The following PKHD1L1 variants were observed in gnomAD, a reference collection of about 807,000 sequenced individuals.
PKHD1L1 encodes fibrocystin-L.
Under a neutral mutation model 462.9 loss-of-function variants are expected in PKHD1L1, and 434 were observed. The observed-to-expected ratio is 0.94, with a 90% CI of 0.87 to 1.02. The LOEUF (loss-of-function observed/expected upper bound fraction) is 1.02. Ranked by LOEUF, PKHD1L1 falls within the 50% of genes least tolerant of loss-of-function variation. The pLI is 0.00. For synonymous variants in PKHD1L1, 1,781 were observed against 1,750.0 expected, an observed-to-expected ratio of 1.02 and a Z score of -0.44; for missense variants, 5,202 against 5,096.1, an observed-to-expected ratio of 1.02 and a Z score of -0.63.
At chr8:109,443,186 G>A (rs1815912792) in intron 36 of PKHD1L1, 70 bp downstream of exon 36, 3 of 1,467,404 alleles carry the variant, frequency 2.0e-6, no homozygotes, top group Non-Finnish European at 2.8e-6. Context: ...TCTGGAGCCG[G>A]TAGCAGATAA....
chr8:109,506,233 A>C (rs1490289502), intron 68 of PKHD1L1, among the ~76,000 whole-genome samples: 1 of 152,244 alleles, frequency 6.6e-6, no homozygotes, highest in South Asian at 2.1e-4. Context: ...CCAGCCCCCA[A>C]ATGTTCTCAG....
chr8:109,380,326 A>G (rs1048689631), intron 2 of PKHD1L1, among the ~76,000 whole-genome samples: 2 of 152,154 alleles, frequency 1.3e-5, no homozygotes, highest in African/African-American at 4.8e-5. Flanking sequence ...TATGTGTTGT[A>G]TAGTGGGTAG....
At position 109,533,223 on chromosome 8, in the gene PKHD1L1, G is replaced by A. The variant is rs1821078752; in HGVS notation, c.*3133G>A. 6.6e-6 allele frequency among the ~76,000 whole-genome samples: 1 copy of A among 152,190 alleles called. No homozygotes were observed. The highest frequency in any genetic ancestry group is 6.5e-5 in the Admixed American group (1 of 15,282). On this transcript the variant is annotated 3_prime_UTR_variant, in exon 78 of 78. Transcript: ENST00000378402. ...TACTTTACCACTTCTATGCCCTCAG[G>A]CAAGTTCTTAGTTTCCATTATTCTC...
intron 50 of PKHD1L1, chr8:109,470,741 G>A: frequency 6.4e-7 from 1 of 1,555,798 alleles, no homozygotes; most frequent in Non-Finnish European, 8.8e-7. Context: ...TCTTGGGACA[G>A]CCAGTTTCTG....
intron 4 of PKHD1L1, among the ~76,000 whole-genome samples, chr8:109,383,314 A>C (rs1189117898): frequency 1.8e-5 from 2 of 109,014 alleles, no homozygotes; most frequent in Non-Finnish European, 3.4e-5. Flanking sequence ...AATTATACAT[A>C]ATATATAATT....
Position 109,498,680 on chromosome 8 carries a change from T to C in PKHD1L1, c.10737T>C (p.Pro3579=), listed in dbSNP as rs746037381. The change falls in exon 67 of 78, where the codon CCT becomes CCC. Residue 3579 remains proline, a synonymous_variant. Transcript: ENST00000378402. ...PSGGRSGICW[P]TFASAHNMAP... ...GTGGGAGAAGTGGGATTTGTTGGCC[T>C]ACCTTTGCTTCAGCTCATAACATGG... is the stretch of plus-strand genomic sequence containing the variant. 2 of 1,614,012 alleles carry C rather than the reference T, an allele frequency of 1.2e-6. No individual in the cohort carries two copies. The highest frequency in any genetic ancestry group is 2.2e-5 in the South Asian group (2 of 91,084).
chr8:109,449,287 G>A (rs920353635), intron 39 of PKHD1L1, 51 bp from the exon 40 acceptor site: 130 of 1,492,706 alleles, frequency 8.7e-5, no homozygotes, highest in Non-Finnish European at 1.1e-4. Flanking sequence ...GTACACAGAA[G>A]AAGTTTTATT....
intron 59 of PKHD1L1, among the ~76,000 whole-genome samples, chr8:109,489,215 T>C (rs1209078959): frequency 6.6e-6 from 1 of 152,022 alleles, no homozygotes; most frequent in African/African-American, 2.4e-5. Context: ...GTATCAGTTT[T>C]TGAACAAATA....
At chr8:109,365,593 A>G (rs1209995809) in intron 2 of PKHD1L1, among the ~76,000 whole-genome samples, 1 of 152,242 alleles carries the variant, frequency 6.6e-6, no homozygotes, top group African/African-American at 2.4e-5. Flanking sequence ...TATGTTTCTT[A>G]TATTGTAAAT....
intron 23 of PKHD1L1, among the ~76,000 whole-genome samples, chr8:109,421,466 C>T (rs2130648233): frequency 6.6e-6 from 1 of 152,194 alleles, no homozygotes; most frequent in East Asian, 1.9e-4. Flanking sequence ...CTTTTCAGTG[C>T]TTTACTCTTA....
intron 23 of PKHD1L1, among the ~76,000 whole-genome samples, chr8:109,421,221 G>A (rs1012288585): frequency 6.6e-6 from 1 of 151,630 alleles, no homozygotes; most frequent in African/African-American, 2.4e-5. Flanking sequence ...TATTCAATGA[G>A]TTAATATAAT....
Position 109,409,847 on chromosome 8 carries a change from T to A in PKHD1L1, c.1972-18T>A. The A allele has an allele frequency of 7.0e-7, 1 of 1,432,800 alleles. No individual in the cohort carries two copies. 88.8% of individuals were successfully genotyped at this position (1,432,800 alleles called of 1,614,324 possible). ...TTTTCATGAAAAGAAGTTACTAATG[T>A]TTATATTGTTAATTTAGTTTCAGGG... is the stretch of plus-strand genomic sequence containing the variant. On this transcript the variant is annotated intron_variant, in intron 18 of 77. Transcript: ENST00000378402.
chr8:109,401,330 T>A (rs765380103), intron 13 of PKHD1L1, among the ~76,000 whole-genome samples, 167 bp from the exon 14 acceptor site: 1 of 152,016 alleles, frequency 6.6e-6, no homozygotes, highest in East Asian at 1.9e-4. Flanking sequence ...TAAAAAAAAT[T>A]TATAGCATAG....
intron 23 of PKHD1L1, among the ~76,000 whole-genome samples, chr8:109,421,781 CT>C (rs1297837777): frequency 3.3e-5 from 5 of 151,890 alleles, no homozygotes; most frequent in African/African-American, 1.2e-4. Flanking sequence ...GAGACTCTGT[CT>C]CAAAAAAAAG....
chr8:109,441,171 A>G, intron 33 of PKHD1L1, 104 bp from the exon 34 acceptor site: 1 of 770,782 alleles, frequency 1.3e-6, no homozygotes, highest in Non-Finnish European at 2.0e-6. Flanking sequence ...AGTTTTTTTT[A>G]GGGTCTTGGC....
At position 109,427,028 on chromosome 8, in the gene PKHD1L1, G is replaced by C. The variant is rs542055349; in HGVS notation, c.2872G>C (p.Asp958His). 5 of 1,599,410 alleles carry C rather than the reference G, an allele frequency of 3.1e-6. No individual in the cohort carries two copies. The highest frequency in any genetic ancestry group is 1.7e-4 in the Middle Eastern group (1 of 5,992). ...CCTCCCCGCTGCTGTGTCAGCTGCA[G>C]ATCTGCAGTTTGCACTCCAGAGTCT... ...KGLPAAVSAA[D>H]LQFALQSLEG... Residue 958 changes from aspartate to histidine, a missense_variant, in exon 25 of 78, where the codon GAT becomes CAT. Transcript: ENST00000378402.
chr8:109,377,451 T>C (rs1419005706), intron 2 of PKHD1L1, among the ~76,000 whole-genome samples: 1 of 152,182 alleles, frequency 6.6e-6, no homozygotes, highest in Non-Finnish European at 1.5e-5. Flanking sequence ...AAATTTACAA[T>C]GACATGGATA....
At chr8:109,450,932 G>A in intron 40 of PKHD1L1, 43 bp from the exon 41 acceptor site, 2 of 1,536,026 alleles carry the variant, frequency 1.3e-6, no homozygotes, top group Non-Finnish European at 1.8e-6. Flanking sequence ...ATGAATCAGG[G>A]CCCGATGGCA....
chr8:109,412,045 A>G (rs1342303155), intron 19 of PKHD1L1, among the ~76,000 whole-genome samples: 1 of 152,238 alleles, frequency 6.6e-6, no homozygotes, highest in African/African-American at 2.4e-5. Context: ...AAGGAAAAAA[A>G]TCAAACTTGG....
Sources: allele counts gnomAD v4.1 joint callset (sites outside exome capture counted in the v4.1 genomes callset), GRCh38; gene constraint gnomAD v4.1.1; transcripts MANE v1.5; gene names NCBI Gene and HGNC (gene_info 2026-07-23, HGNC 2026-07-21).